The following ESPL1 variants were observed in gnomAD, a reference collection of about 807,000 sequenced individuals.
The protein encoded by ESPL1 is separin.
ESPL1 carries 50 observed loss-of-function variants against 217.2 expected under a neutral mutation model. That is an observed-to-expected ratio of 0.23 (90% CI 0.18 to 0.29). ESPL1 has a LOEUF of 0.29. Ranked by LOEUF, ESPL1 falls within the 10% of genes least tolerant of loss-of-function variation. ESPL1 has a pLI of 1.00. For synonymous variants in ESPL1, 994 were observed against 1,081.3 expected (o/e 0.92, Z 1.58); for missense variants, 1,834 against 2,603.0 (o/e 0.70, Z 6.43).
At chr12:53,272,019 G>A (rs929113663) in intron 5 of ESPL1, among the ~76,000 whole-genome samples, 1 of 151,832 alleles carries the variant, frequency 6.6e-6, no homozygotes, top group Non-Finnish European at 1.5e-5. Flanking sequence ...CCCGGGAGGT[G>A]GAGCTTGCAG....
rs970674446 is a variant in ESPL1, at chr12:53,277,391, C to T, written c.2086-79C>T. ...GAACTCCTGGGCTCCAACAATCCTC[C>T]CACCTCAGCCTGCCGAGTAGCCAGG... On this transcript the variant is annotated intron_variant, in intron 9 of 30. Coordinates refer to ENST00000257934, the MANE Select transcript of ESPL1 (RefSeq NM_012291.5). 45 of 1,533,596 alleles carry T rather than the reference C, an allele frequency of 2.9e-5. No homozygotes were observed. In the African/African-American group the frequency reaches 5.5e-4, roughly 19 times the overall value. 95.0% of individuals were successfully genotyped at this position (1,533,596 alleles called of 1,614,324 possible).
Position 53,269,299 on chromosome 12 carries a change from C to G in ESPL1, c.357C>G (p.Arg119=). The G allele has an allele frequency of 6.2e-7, 1 of 1,614,182 alleles. No homozygotes were observed. The highest frequency in any genetic ancestry group is 8.5e-7 in the Non-Finnish European group (1 of 1,180,048). ...AAQGSPEATL[R]LAQPLHACLV... is the part of the protein sequence containing the mutation. The stretch of plus-strand genomic sequence containing the variant: ...AAGGAAGCCCAGAGGCCACACTCCG[C>G]CTTGCTCAGCCCCTCCATGCCTGCT... The change falls in exon 3 of 31, where the codon CGC becomes CGG. Residue 119 remains arginine (R), a synonymous_variant. Coordinates refer to ENST00000257934, the MANE Select transcript of ESPL1 (RefSeq NM_012291.5). This position sits in a 1 kb window ranked among gnomAD's most constrained non-coding sequence, Gnocchi z 6.7.
chr12:53,275,535 A>C (rs1442794644), intron 7 of ESPL1, among the ~76,000 whole-genome samples: 1 of 152,088 alleles, frequency 6.6e-6, no homozygotes, highest in African/African-American at 2.4e-5. Flanking sequence ...ACTCATGGTC[A>C]TGTCCTTTCA....
Position 53,292,536 on chromosome 12 carries a change from T to A in ESPL1, c.5913-38T>A, listed in dbSNP as rs1469834856. 3 of 1,559,504 alleles carry A rather than the reference T, an allele frequency of 1.9e-6. No homozygotes were observed. The African/African-American group carries it at 4.1e-5, about 21-fold the overall frequency. ...TGTCTTTGCCACCTGACCCCTGCCA[T>A]GCATTTCCCTATTCTCACACCTGCC... On this transcript the variant is annotated intron_variant, in intron 28 of 30. Coordinates refer to ENST00000257934, the MANE Select transcript of ESPL1 (RefSeq NM_012291.5). The surrounding 1 kb of genome is among the most constrained non-coding windows in gnomAD (Gnocchi z 4.5).
chr12:53,291,044 T>C lies in ESPL1; in HGVS notation c.5520+48T>C, dbSNP rs540115441. ...GGGGCCAGGCCCAGTGGCTTGCACC[T>C]GTAATCCCAGCACTTTGGGAGGCCA... is the stretch of plus-strand genomic sequence containing the variant. On this transcript the variant is annotated intron_variant, in intron 25 of 30. Transcript: ENST00000257934. 5 of 1,506,476 alleles carry C rather than the reference T, an allele frequency of 3.3e-6. No homozygotes were observed. In the Admixed American group the frequency reaches 6.2e-5, roughly 19 times the overall value. 93.3% of individuals were successfully genotyped at this position (1,506,476 alleles called of 1,614,324 possible). A position where few individuals can be genotyped will look rare whatever the true frequency, so the allele number is the denominator to read the frequency against.
At position 53,287,263 on chromosome 12, in the gene ESPL1, G is replaced by A. The variant is rs1321404339; in HGVS notation, c.4176+351G>A. 5 of 185,722 alleles carry A rather than the reference G, an allele frequency of 2.7e-5. No homozygotes were observed. In the Admixed American group the frequency reaches 2.8e-4, roughly 10 times the overall value. The allele number at this position is 185,722 out of a possible 1,614,324, so 11.5% of individuals were successfully genotyped here. On this transcript the variant is annotated intron_variant, in intron 18 of 30. Coordinates refer to ENST00000257934, the MANE Select transcript of ESPL1 (RefSeq NM_012291.5). ...AATTTTTTGTATTTTCAGTAGAGACGGGGTTTCACTGTGTTAACCAGGATG... is the reference window on the plus strand; with the variant it reads ...AATTTTTTGTATTTTCAGTAGAGACAGGGTTTCACTGTGTTAACCAGGATG...
intron 11 of ESPL1, 136 bp downstream of exon 11, chr12:53,278,096 G>C: frequency 1.1e-6 from 1 of 927,504 alleles, no homozygotes; most frequent in Non-Finnish European, 1.7e-6. Context: ...TGTATCACCA[G>C]TCTTATTTTA....
Position 53,281,493 on chromosome 12 carries a change from G to C in ESPL1, c.2500-14G>C. ...GGCTGCCTTTCCTCATGTGCCCTCTGATTGCTTCCTTAGTTACACCTGGAA... is the reference window on the plus strand; with the variant it reads ...GGCTGCCTTTCCTCATGTGCCCTCTCATTGCTTCCTTAGTTACACCTGGAA... On this transcript the variant is annotated splice_polypyrimidine_tract_variant and intron_variant, in intron 12 of 30. Transcript: ENST00000257934. 6.2e-7 allele frequency: 1 copy of C among 1,611,908 alleles called. No homozygotes were observed. Among genetic ancestry groups the C allele is most frequent in the Non-Finnish European group, 8.5e-7 (1 of 1,178,926 alleles).
At chr12:53,284,430 AT>A (rs908683108) in intron 17 of ESPL1, among the ~76,000 whole-genome samples, 1 of 151,522 alleles carries the variant, frequency 6.6e-6, no homozygotes, top group Non-Finnish European at 1.5e-5. Flanking sequence ...AATTTTTTTT[AT>A]TTGTAGTAGA....
Position 53,284,061 on chromosome 12 carries a change from T to G in ESPL1, c.3081T>G (p.Cys1027Trp), listed in dbSNP as rs1324017492. 6.2e-7 allele frequency: 1 copy of G among 1,607,058 alleles called. No homozygotes were observed. The highest frequency in any genetic ancestry group is 8.5e-7 in the Non-Finnish European group (1 of 1,173,580). Residue 1027 changes from cysteine to tryptophan, a missense_variant, in exon 17 of 31, where the codon TGT becomes TGG. Around this residue, in one of 5 missense-constraint regions of ESPL1, gnomAD observed 107 missense variants for 171.7 expected, o/e 0.62. Transcript: ENST00000257934. ...LTTKLQIPRQ[C>W]ALFLVLKGEL... ...TCTCCTCTCCTCTCTCAACAAGGTG[T>G]GCCCTGTTCCTGGTGCTGAAGGGCG...
Position 53,283,441 on chromosome 12 carries a change from C to G in ESPL1, c.2980C>G (p.Leu994Val). The G allele has an allele frequency of 6.2e-7, 1 of 1,614,130 alleles. No homozygotes were observed. Among genetic ancestry groups the G allele is most frequent in the South Asian group, 1.1e-5 (1 of 91,080 alleles). The change falls in exon 16 of 31, where the codon CTG becomes GTG. Residue 994 changes from leucine (L) to valine (V), a missense_variant. This residue lies in a region of ESPL1 where 107 missense variants were observed against 171.7 expected (regional missense o/e 0.62). Coordinates refer to ENST00000257934, the MANE Select transcript of ESPL1 (RefSeq NM_012291.5). ...AGAGGTGCTGAGCTGCTCAGAGAAG[C>G]TGGTCTGCCACCTGGGCCGCCTGGG... ...LSEVLSCSEK[L>V]VCHLGRLGSV... is the part of the protein sequence containing the mutation.
intron 22 of ESPL1, 113 bp downstream of exon 22, chr12:53,289,707 A>AT (rs1309244003): frequency 1.2e-6 from 1 of 854,124 alleles, no homozygotes; most frequent in Non-Finnish European, 1.8e-6. Context: ...TATGACCCTT[A>AT]TGTCATACCT....
rs1943656322 is a variant in ESPL1 at position 53,270,794 on chromosome 12, G to A, written c.1365G>A (p.Met455Ile). The A allele has an allele frequency of 6.2e-7, 1 of 1,614,150 alleles. No homozygotes were observed. Among genetic ancestry groups the A allele is most frequent in the South Asian group, 1.1e-5 (1 of 91,062 alleles). Residue 455 changes from methionine to isoleucine, a missense_variant, in exon 5 of 31, where the codon ATG (methionine) becomes ATA (isoleucine). Around this residue, in one of 5 missense-constraint regions of ESPL1, gnomAD observed 746 missense variants for 1,077.0 expected, o/e 0.69. Coordinates refer to ENST00000257934, the MANE Select transcript of ESPL1 (RefSeq NM_012291.5). The part of the protein sequence containing the change: ...SGQELTDHMG[M>I]TASYTSNLAY... ...AAGAGCTGACGGACCACATGGGGAT[G>A]ACCGGTTAGTGCCCTGGGTCCCAGG... is the stretch of plus-strand genomic sequence containing the variant.
chr12:53,290,502 C>T (rs1182744804), intron 24 of ESPL1, 33 bp downstream of exon 24: 1 of 1,608,800 alleles, frequency 6.2e-7, no homozygotes, highest in South Asian at 1.1e-5. Flanking sequence ...CAGGCCTGCT[C>T]TAGGAATGAC....
At chr12:53,275,096 A>G (rs1943743328) in intron 7 of ESPL1, 86 bp downstream of exon 7, 3 of 1,092,966 alleles carry the variant, frequency 2.7e-6, no homozygotes, top group Non-Finnish European at 3.8e-6. Flanking sequence ...TGAGGTCAGG[A>G]GTTTGAGACC....
intron 24 of ESPL1, 119 bp downstream of exon 24, chr12:53,290,588 G>A (rs530196738): frequency 3.1e-6 from 3 of 963,652 alleles, no homozygotes; most frequent in Middle Eastern, 2.8e-4. Context: ...TTCTGGAAGT[G>A]TAGACCTAAA....
intron 22 of ESPL1, 127 bp downstream of exon 22, chr12:53,289,721 C>T: frequency 1.3e-6 from 1 of 758,000 alleles, no homozygotes; most frequent in Non-Finnish European, 2.1e-6. Flanking sequence ...CATACCTTTT[C>T]ACCTGTTAGC....
rs749829823 is a variant in ESPL1, at chr12:53,288,704, A to G, written c.4708+5A>G. On this transcript the variant is annotated splice_donor_5th_base_variant and intron_variant, in intron 20 of 30. Transcript: ENST00000257934. ...CCTCAGCCCCCGTAGCCACTGGTGAATATGCGACCCCTGATGTTGGTCACT... is the reference window on the plus strand; with the variant it reads ...CCTCAGCCCCCGTAGCCACTGGTGAGTATGCGACCCCTGATGTTGGTCACT... 3 of 1,607,600 alleles carry G rather than the reference A, an allele frequency of 1.9e-6. No individual in the cohort carries two copies. The South Asian group carries it at 3.3e-5, about 18-fold the overall frequency.
rs746581481 is a variant in ESPL1 at position 53,277,102 on chromosome 12, C to A, written c.1960C>A (p.Arg654=). The change falls in exon 9 of 31, where the codon CGG becomes AGG. Residue 654 remains arginine (R), a synonymous_variant. Transcript: ENST00000257934. ...CTGCAGCTCTGCTCTGGATGCTATC[C>A]GGGAAGCCCTGCAGCTTCTGGACTC... ...QTNCSALDAI[R]EALQLLDSVR... 1 of 1,613,932 alleles carries A rather than the reference C, an allele frequency of 6.2e-7. No homozygotes were observed. Among genetic ancestry groups the A allele is most frequent in the South Asian group, 1.1e-5 (1 of 91,080 alleles).
Sources: gnomAD v4.1 joint callset for allele counts (sites outside exome capture counted in the v4.1 genomes callset) on GRCh38, gnomAD v4.1.1 for gene constraint, gnomAD v4.1.1 regional missense constraint, Gnocchi (gnomAD v3.1) non-coding constraint, MANE v1.5 for transcripts, NCBI Gene and HGNC (gene_info 2026-07-23, HGNC 2026-07-21) for gene names.